The following VPS13D variants were observed in gnomAD, a reference collection of about 807,000 sequenced individuals.
VPS13D encodes intermembrane lipid transfer protein VPS13D.
A neutral mutation model predicts 461.9 loss-of-function variants in VPS13D; 187 were observed. The observed-to-expected ratio is 0.40, with a 90% CI of 0.36 to 0.46. The LOEUF is 0.46. VPS13D is among the 20% of genes least tolerant of loss of function. The pLI is 0.60. For synonymous variants in VPS13D, 1,951 were observed against 1,986.3 expected, an observed-to-expected ratio of 0.98 and a Z score of 0.47; for missense variants, 4,711 against 5,364.9, an observed-to-expected ratio of 0.88 and a Z score of 3.81.
intron 27 of VPS13D, among the ~76,000 whole-genome samples, chr1:12,309,672 G>A (rs747078041): frequency 2.7e-5 from 4 of 149,580 alleles, no homozygotes; most frequent in Non-Finnish European, 1.5e-5. Context: ...TGAGGCAGGA[G>A]AATTGATTAT....
At chr1:12,483,146 A>T (rs1376146994) in intron 67 of VPS13D, among the ~76,000 whole-genome samples, 1 of 152,150 alleles carries the variant, frequency 6.6e-6, no homozygotes, top group African/African-American at 2.4e-5. Context: ...AACAATTTGT[A>T]CTCCCACCCA....
Position 12,356,041 on chromosome 1 carries a change from A to T in VPS13D, c.9822A>T (p.Gly3274=). ...LTIRIVCRAE[G]SLKIFISAPY... ...TCCGGATTGTGTGTCGAGCAGAAGGATCCTTAAAGATCTTCATTTCTGCTC... is the reference window on the plus strand; with the variant it reads ...TCCGGATTGTGTGTCGAGCAGAAGGTTCCTTAAAGATCTTCATTTCTGCTC... The change falls in exon 48 of 70, where the codon GGA becomes GGT. Residue 3274 remains glycine (G), a synonymous_variant. Coordinates refer to ENST00000620676, the MANE Select transcript of VPS13D (RefSeq NM_015378.4). 1.9e-6 allele frequency: 3 copies of T among 1,613,922 alleles called. No homozygotes were observed. The highest frequency in any genetic ancestry group is 2.5e-6 in the Non-Finnish European group (3 of 1,179,904).
chr1:12,402,756 G>A (rs1644596987), intron 62 of VPS13D: 2 of 152,126 alleles, frequency 1.3e-5, no homozygotes, highest in South Asian at 2.1e-4. Context: ...AATTTGATTC[G>A]ACATGCTTTT....
At chr1:12,428,441 T>G (rs1644952982) in intron 65 of VPS13D, among the ~76,000 whole-genome samples, 1 of 152,228 alleles carries the variant, frequency 6.6e-6, no homozygotes, top group African/African-American at 2.4e-5. Context: ...ATAAGGATGA[T>G]CAAGATAAGC....
chr1:12,430,439 T>C (rs569205289), intron 65 of VPS13D, among the ~76,000 whole-genome samples: 1 of 152,376 alleles, frequency 6.6e-6, no homozygotes, highest in East Asian at 1.9e-4. Flanking sequence ...GAAAGCACTC[T>C]TTCCTCCTTC....
chr1:12,353,808 ATAT>A lies in VPS13D; in HGVS notation c.9432-161_9432-159del, dbSNP rs199609393. ...CAAACTGAACATTTAAAATCTATAC[ATAT>A]TATTGTGCATTTATATCTTAATAAA... On this transcript the variant is annotated intron_variant, in intron 46 of 69. Transcript: ENST00000620676. Among the ~76,000 whole-genome samples the A allele has an allele frequency of 9.7e-3, 1,482 of 152,296 alleles. 22 individuals carry two copies. The highest frequency in any genetic ancestry group is 0.028 in the African/African-American group (1,168 of 41,550).
At chr1:12,304,303 A>AT (rs1642501110) in intron 25 of VPS13D, among the ~76,000 whole-genome samples, 1 of 152,142 alleles carries the variant, frequency 6.6e-6, no homozygotes, top group Admixed American at 6.6e-5. Context: ...TCTGCTGATA[A>AT]TTTTTTGTGG....
chr1:12,286,923 C>T (rs891737524), intron 21 of VPS13D, among the ~76,000 whole-genome samples: 5 of 152,096 alleles, frequency 3.3e-5, no homozygotes, highest in Admixed American at 1.3e-4. Context: ...TGCAGTGGTG[C>T]GATCTTGGCC....
At chr1:12,256,615 C>A in intron 8 of VPS13D, 112 bp downstream of exon 8, 1 of 1,224,052 alleles carries the variant, frequency 8.2e-7, no homozygotes, top group Non-Finnish European at 1.1e-6. Flanking sequence ...GAGACCATTT[C>A]CCTCCAGACT....
chr1:12,463,970 A>G (rs2100426267), intron 67 of VPS13D, among the ~76,000 whole-genome samples: 2 of 152,324 alleles, frequency 1.3e-5, no homozygotes, highest in Middle Eastern at 6.8e-3. Context: ...GCTATAAAGA[A>G]CTATAAAAAT....
chr1:12,283,377 C>T lies in VPS13D; in HGVS notation c.5275C>T (p.Pro1759Ser). The T allele has an allele frequency of 6.2e-7, 1 of 1,614,158 alleles. No individual in the cohort carries two copies. The highest frequency in any genetic ancestry group is 8.5e-7 in the Non-Finnish European group (1 of 1,180,028). The change falls in exon 21 of 70, where the codon CCC (proline) becomes TCC (serine). Residue 1759 changes from proline (P) to serine (S), a missense_variant. By Grantham distance (74) the Pro-to-Ser change is moderately conservative. Transcript: ENST00000620676. ...KQKEVQDKDY[P>S]LTPPPSPTVD... ...AAAGGAAGTCCAAGACAAGGACTATCCCTTGACCCCACCTCCTTCTCCAAC... is the reference window on the plus strand; with the variant it reads ...AAAGGAAGTCCAAGACAAGGACTATTCCTTGACCCCACCTCCTTCTCCAAC...
intron 2 of VPS13D, among the ~76,000 whole-genome samples, chr1:12,238,412 T>C (rs72864949): frequency 0.013 from 1,948 of 151,724 alleles, 39 homozygotes; most frequent in African/African-American, 0.044. Flanking sequence ...CACTGCAGCC[T>C]TGGCAACAGA....
rs372448060 is a variant in VPS13D, at chr1:12,308,485, T to C, written c.6494T>C (p.Ile2165Thr). The change falls in exon 27 of 70, where the codon ATC (isoleucine) becomes ACC (threonine). Residue 2165 changes from isoleucine to threonine, a missense_variant. By Grantham distance (89) the Ile-to-Thr change is moderately conservative (BLOSUM62 -1). Around this residue, in one of 3 missense-constraint regions of VPS13D, gnomAD observed 4,411 missense variants for 4,937.8 expected, o/e 0.89. Transcript: ENST00000620676. ...GTCGTGGATCTCCAGGACATGGACA[T>C]CTTTGCTGCAGAGAGACATCCGAGA... ...CVVVDLQDMDIFAAERHPREY... is the reference protein window; with the variant it reads ...CVVVDLQDMDTFAAERHPREY... 1 of 1,614,006 alleles carries C rather than the reference T, an allele frequency of 6.2e-7. No individual in the cohort carries two copies. The highest frequency in any genetic ancestry group is 8.5e-7 in the Non-Finnish European group (1 of 1,180,038).
chr1:12,401,631 A>G lies in VPS13D; in HGVS notation c.11808A>G (p.Arg3936=), dbSNP rs745889115. The change falls in exon 62 of 70, where the codon AGA becomes AGG. Residue 3936 remains arginine (R), a synonymous_variant. Coordinates refer to ENST00000620676, the MANE Select transcript of VPS13D (RefSeq NM_015378.4). ...AGCATCTGATGATCACAGCTCAGAG[A>G]TTCACAGTGCAAATTGAGGAGAAAC... is the stretch of plus-strand genomic sequence containing the variant. The part of the protein sequence containing the change: ...IYKHLMITAQ[R]FTVQIEEKLL... 14 of 1,613,422 alleles carry G rather than the reference A, an allele frequency of 8.7e-6. 1 individual carries two copies. Among genetic ancestry groups the G allele is most frequent in the Non-Finnish European group, 1.2e-5 (14 of 1,179,446 alleles).
chr1:12,392,188 A>G (rs1407364450), intron 60 of VPS13D, among the ~76,000 whole-genome samples: 1 of 152,142 alleles, frequency 6.6e-6, no homozygotes, highest in Non-Finnish European at 1.5e-5. Flanking sequence ...CTTTTGCCAT[A>G]AATGACTATA....
intron 67 of VPS13D, among the ~76,000 whole-genome samples, chr1:12,464,256 A>G (rs191363430): frequency 2.6e-5 from 4 of 152,374 alleles, no homozygotes; most frequent in Admixed American, 2.6e-4. Context: ...TGAAGGGATT[A>G]GAAGTGAGAT....
rs186653481 is a variant in VPS13D, at chr1:12,273,505, G to A, written c.2236+370G>A. 2.0e-5 allele frequency among the ~76,000 whole-genome samples: 3 copies of A among 152,224 alleles called. No individual in the cohort carries two copies. In the East Asian group the frequency reaches 5.8e-4, roughly 29 times the overall value. ...TTCTCACTGCTATTTAATATCGGGA[G>A]GACTTTTGCATCTTCCCCGACTGAA... On this transcript the variant is annotated intron_variant, in intron 18 of 69. Transcript: ENST00000620676.
intron 54 of VPS13D, 35 bp from the exon 55 acceptor site, chr1:12,373,715 A>G (rs1644157768): frequency 1.6e-6 from 2 of 1,254,232 alleles, no homozygotes; most frequent in Non-Finnish European, 2.1e-6. Flanking sequence ...CTGTATATAT[A>G]TTTTTATGTA....
chr1:12,335,856 T>C (rs760607863), intron 39 of VPS13D, 29 bp downstream of exon 39: 1 of 1,613,458 alleles, frequency 6.2e-7, no homozygotes, highest in Non-Finnish European at 8.5e-7. Flanking sequence ...TGTGTTTAAC[T>C]AAATCACTTT....
Sources: allele counts gnomAD v4.1 joint callset (sites outside exome capture counted in the v4.1 genomes callset), GRCh38; gene constraint gnomAD v4.1.1; regional missense constraint gnomAD v4.1.1; transcripts MANE v1.5; gene names NCBI Gene and HGNC (gene_info 2026-07-23, HGNC 2026-07-21).